Variants in COL11A2 observed in about 807,000 individuals in gnomAD.
COL11A2 encodes collagen type XI alpha 2 chain.
COL11A2 carries 116 observed loss-of-function variants against 273.4 expected under a neutral mutation model. That is an observed-to-expected ratio of 0.42 (90% CI 0.36 to 0.49). COL11A2 has a LOEUF of 0.49. Ranked by LOEUF, COL11A2 falls within the 20% of genes least tolerant of loss-of-function variation. COL11A2 has a pLI of 0.00. For missense variants in COL11A2, 1,866 were observed against 2,309.0 expected (o/e 0.81, Z 3.93); for synonymous variants, 782 against 864.2 (o/e 0.90, Z 1.67).
Position 33,163,398 on chromosome 6 carries a change from TG to T in COL11A2, c.*279del. 1 of 558,304 alleles carries T rather than the reference TG, an allele frequency of 1.8e-6. No individual in the cohort carries two copies. The allele number at this position is 558,304 out of a possible 1,614,324, so 34.6% of individuals were successfully genotyped here. A position where few individuals can be genotyped will look rare whatever the true frequency, so the allele number is the denominator to read the frequency against. On this transcript the variant is annotated 3_prime_UTR_variant, in exon 66 of 66. Transcript: ENST00000341947. The surrounding 1 kb of genome is among the most constrained non-coding windows in gnomAD (Gnocchi z 4.1). ...TCCTTTCTCTTCTCTTCCATTTGTT[TG>T]GGGTGATTGGGAGGTGAGTTTTAAA...
chr6:33,176,627 A>T lies in COL11A2; in HGVS notation c.2115+94T>A. On this transcript the variant is annotated intron_variant, in intron 26 of 65. Coordinates refer to ENST00000341947, the MANE Select transcript of COL11A2 (RefSeq NM_080680.3). The surrounding 1 kb of genome is among the most constrained non-coding windows in gnomAD (Gnocchi z 4.9). ...CAGGAATTGAGAATGTGGCAGAGCC[A>T]TATGAATAATGAGACAAGGGAATCC... 7.1e-7 allele frequency: 1 copy of T among 1,408,030 alleles called. No individual in the cohort carries two copies. The highest frequency in any genetic ancestry group is 1.0e-6 in the Non-Finnish European group (1 of 1,004,128). 87.2% of individuals were successfully genotyped at this position (1,408,030 alleles called of 1,614,324 possible). A position where few individuals can be genotyped will look rare whatever the true frequency, so the allele number is the denominator to read the frequency against.
chr6:33,166,147 T>G lies in COL11A2; in HGVS notation c.4428+24A>C. 1.9e-6 allele frequency: 3 copies of G among 1,608,190 alleles called. No individual in the cohort carries two copies. Among genetic ancestry groups the G allele is most frequent in the Non-Finnish European group, 2.5e-6 (3 of 1,177,752 alleles). ...AAGTCCAGAGGGGGTGGAGCAAAGGTCAGAGCTGAAGGGGGTCACTCACTG... is the reference window on the plus strand; with the variant it reads ...AAGTCCAGAGGGGGTGGAGCAAAGGGCAGAGCTGAAGGGGGTCACTCACTG... On this transcript the variant is annotated intron_variant, in intron 61 of 65. Transcript: ENST00000341947. The surrounding 1 kb of genome is among the most constrained non-coding windows in gnomAD (Gnocchi z 4.8).
chr6:33,168,048 A>G (rs1441495398), intron 54 of COL11A2, among the ~76,000 whole-genome samples, 196 bp from the exon 55 acceptor site: 3 of 152,074 alleles, frequency 2.0e-5, no homozygotes, highest in African/African-American at 7.2e-5. Context: ...GGTAGTCTGT[A>G]CATTTGGTGA....
At chr6:33,193,395 G>A (rs1477086593), upstream of COL11A2, among the ~76,000 whole-genome samples, 40 of 132,384 alleles carry the variant, frequency 3.0e-4, no homozygotes, top group Non-Finnish European at 6.0e-4. Flanking sequence ...CCTCCGGCCG[G>A]CCCCGCCCCC....
In COL11A2 at chr6:33,176,607, A is replaced by T; in HGVS notation, c.2115+114T>A. 7.2e-7 allele frequency: 1 copy of T among 1,393,076 alleles called. No individual in the cohort carries two copies. The highest frequency in any genetic ancestry group is 1.0e-6 in the Non-Finnish European group (1 of 990,298). The allele number at this position is 1,393,076 out of a possible 1,614,324, so 86.3% of individuals were successfully genotyped here. A position where few individuals can be genotyped will look rare whatever the true frequency, so the allele number is the denominator to read the frequency against. ...CTGGGTAGGGTTACGGGGCACAGGA[A>T]TTGAGAATGTGGCAGAGCCATATGA... On this transcript the variant is annotated intron_variant, in intron 26 of 65. Transcript: ENST00000341947. This position sits in a 1 kb window ranked among gnomAD's most constrained non-coding sequence, Gnocchi z 4.9.
In COL11A2 at chr6:33,169,901, G is replaced by A. The variant is rs1172012034; in HGVS notation, c.3637-17C>T. On this transcript the variant is annotated splice_polypyrimidine_tract_variant and intron_variant, in intron 49 of 65. Transcript: ENST00000341947. The surrounding 1 kb of genome is among the most constrained non-coding windows in gnomAD (Gnocchi z 5.5). ...TGGTTCCCCCTGCAAAGAGATTAGA[G>A]TCAAAAACCTCCTCTCCTTCCCCAG... The A allele has an allele frequency of 1.2e-6, 2 of 1,614,094 alleles. No individual in the cohort carries two copies. The highest frequency in any genetic ancestry group is 1.3e-5 in the African/African-American group (1 of 75,016).
At position 33,165,501 on chromosome 6, in the gene COL11A2, ACC is replaced by A; in HGVS notation, c.4750+46_4750+47del. The A allele has an allele frequency of 6.2e-7, 1 of 1,605,178 alleles. No individual in the cohort carries two copies. The highest frequency in any genetic ancestry group is 8.5e-7 in the Non-Finnish European group (1 of 1,179,760). On this transcript the variant is annotated intron_variant, in intron 63 of 65. Transcript: ENST00000341947. This position sits in a 1 kb window ranked among gnomAD's most constrained non-coding sequence, Gnocchi z 7.7. ...CCAGCATCCATTCTGCTTGTTCAGT[ACC>A]CATGCTGTTGGGGAGATGTTTGTGC...
chr6:33,171,132 C>T lies in COL11A2; in HGVS notation c.3348G>A (p.Val1116=), dbSNP rs778153803. Residue 1116 remains valine (V), a synonymous_variant, in exon 45 of 66, where the codon GTG becomes GTA. Transcript: ENST00000341947. ...CACTCACCGCTGCTCCAGGCTGCCC[C>T]ACAGGACCAATGGGTCCAGGGGGTC... ...PPGPPGPIGP[V]GQPGAAGADG... 6.3e-7 allele frequency: 1 copy of T among 1,591,124 alleles called. No homozygotes were observed. Among genetic ancestry groups the T allele is most frequent in the South Asian group, 1.1e-5 (1 of 88,994 alleles).
rs1480227421 is a variant in COL11A2 at position 33,167,082 on chromosome 6, G to A, written c.4218C>T (p.Ala1406=). Residue 1406 remains alanine (A), a synonymous_variant, in exon 58 of 66, where the codon GCC becomes GCT. Coordinates refer to ENST00000341947, the MANE Select transcript of COL11A2 (RefSeq NM_080680.3). This position sits in a 1 kb window ranked among gnomAD's most constrained non-coding sequence, Gnocchi z 6.1. ...GTCTGTCACTCACCTTCTCTCCCTT[G>A]GCTCCAGCATCGCCCCGGAGACCAG... ...GLPGLRGDAG[A]KGEKGHPGLI... 1.2e-6 allele frequency: 2 copies of A among 1,613,792 alleles called. No homozygotes were observed. Among genetic ancestry groups the A allele is most frequent in the African/African-American group, 2.7e-5 (2 of 74,890 alleles).
At position 33,165,536 on chromosome 6, in the gene COL11A2, GGC is replaced by G. The variant is rs1377547943; in HGVS notation, c.4750+11_4750+12del. ...TTGGGGAGATGTTTGTGCACCCTGA[GGC>G]TAGCACTGACCATCGGGAAGCTCTG... On this transcript the variant is annotated intron_variant, in intron 63 of 65. Coordinates refer to ENST00000341947, the MANE Select transcript of COL11A2 (RefSeq NM_080680.3). This position sits in a 1 kb window ranked among gnomAD's most constrained non-coding sequence, Gnocchi z 7.7. 6.8e-6 allele frequency: 11 copies of G among 1,611,552 alleles called. No individual in the cohort carries two copies. Among genetic ancestry groups the G allele is most frequent in the Non-Finnish European group, 9.3e-6 (11 of 1,179,998 alleles).
chr6:33,164,790 C>T lies in COL11A2; in HGVS notation c.4863+62G>A, dbSNP rs1768859759. 1.4e-6 allele frequency: 2 copies of T among 1,442,482 alleles called. No individual in the cohort carries two copies. The highest frequency in any genetic ancestry group is 5.0e-5 in the East Asian group (2 of 40,102). 89.4% of individuals were successfully genotyped at this position (1,442,482 alleles called of 1,614,324 possible). ...GGGACTGTCACCAAAACCCAGAAACCACTAAGCCCTGAGGGGGTGCACTAT... is the reference window on the plus strand; with the variant it reads ...GGGACTGTCACCAAAACCCAGAAACTACTAAGCCCTGAGGGGGTGCACTAT... On this transcript the variant is annotated intron_variant, in intron 64 of 65. Coordinates refer to ENST00000341947, the MANE Select transcript of COL11A2 (RefSeq NM_080680.3). This position sits in a 1 kb window ranked among gnomAD's most constrained non-coding sequence, Gnocchi z 4.7.
Position 33,172,578 on chromosome 6 carries a change from G to T in COL11A2, c.2850C>A (p.Pro950=). 6 of 1,612,656 alleles carry T rather than the reference G, an allele frequency of 3.7e-6. No homozygotes were observed. The highest frequency in any genetic ancestry group is 2.2e-5 in the South Asian group (2 of 91,062). ...GERGHPGPPG[P]PGEQGLPGTA... ...TCCCAGGTAGTCCCTGCTCTCCAGG[G>T]GGCCCCGGGGGGCCTGGGTGACCTC... The change falls in exon 39 of 66, where the codon CCC becomes CCA. Residue 950 remains proline (P), a synonymous_variant. Coordinates refer to ENST00000341947, the MANE Select transcript of COL11A2 (RefSeq NM_080680.3).
At position 33,170,489 on chromosome 6, in the gene COL11A2, G is replaced by T; in HGVS notation, c.3528+68C>A. On this transcript the variant is annotated intron_variant, in intron 47 of 65. Coordinates refer to ENST00000341947, the MANE Select transcript of COL11A2 (RefSeq NM_080680.3). The surrounding 1 kb of genome is among the most constrained non-coding windows in gnomAD (Gnocchi z 4.3). The stretch of plus-strand genomic sequence containing the variant: ...GGCCAGGGAGTTGGCAGTGGGGTGT[G>T]GGGTGGGGGCTGGCCAGGGAGGGGG... 1 of 1,582,418 alleles carries T rather than the reference G, an allele frequency of 6.3e-7. No individual in the cohort carries two copies. The highest frequency in any genetic ancestry group is 1.8e-4 in the Middle Eastern group (1 of 5,638).
Position 33,164,888 on chromosome 6 carries a change from AC to A in COL11A2, c.4826del (p.Gly1609ValfsTer5). 6.4e-7 allele frequency: 1 copy of A among 1,572,770 alleles called. No homozygotes were observed. The highest frequency in any genetic ancestry group is 8.6e-7 in the Non-Finnish European group (1 of 1,157,824). On this transcript the variant is annotated frameshift_variant, in exon 64 of 66. Coordinates refer to ENST00000341947, the MANE Select transcript of COL11A2 (RefSeq NM_080680.3). LOFTEE classifies it high-confidence loss of function. This position sits in a 1 kb window ranked among gnomAD's most constrained non-coding sequence, Gnocchi z 4.7. ...CATCCCTAGGCGTCACACAGGTCTC[AC>A]CCCCTGCTGTGAAGTTGCAGAAAAC... is the stretch of plus-strand genomic sequence containing the variant. ...FRVFCNFTAG[G>X]ETCVTPRDDV...
rs981758485 is a variant in COL11A2 at position 33,166,052 on chromosome 6, T to A, written c.4429-68A>T. On this transcript the variant is annotated intron_variant, in intron 61 of 65. Transcript: ENST00000341947. This position sits in a 1 kb window ranked among gnomAD's most constrained non-coding sequence, Gnocchi z 4.8. ...AGCATGGATCAAGGTCACAGAAAGA[T>A]CAAATCAGCCTCCTGGCTGGAATAA... 7 of 1,610,334 alleles carry A rather than the reference T, an allele frequency of 4.3e-6. No homozygotes were observed. The African/African-American group carries it at 8.0e-5, about 18-fold the overall frequency.
chr6:33,176,578 C>A lies in COL11A2; in HGVS notation c.2116-92G>T. The stretch of plus-strand genomic sequence containing the variant: ...GGAAGAAATGGAAGTAACAACATTG[C>A]TGTCTGGGTAGGGTTACGGGGCACA... On this transcript the variant is annotated intron_variant, in intron 26 of 65. Transcript: ENST00000341947. The surrounding 1 kb of genome is among the most constrained non-coding windows in gnomAD (Gnocchi z 4.9). 1 of 1,418,066 alleles carries A rather than the reference C, an allele frequency of 7.1e-7. No individual in the cohort carries two copies. Among genetic ancestry groups the A allele is most frequent in the Non-Finnish European group, 9.9e-7 (1 of 1,008,124 alleles). The allele number at this position is 1,418,066 out of a possible 1,614,324, so 87.8% of individuals were successfully genotyped here.
At position 33,175,685 on chromosome 6, in the gene COL11A2, T is replaced by G; in HGVS notation, c.2269-4A>C. The G allele has an allele frequency of 6.2e-7, 1 of 1,612,182 alleles. No homozygotes were observed. Among genetic ancestry groups the G allele is most frequent in the Non-Finnish European group, 8.5e-7 (1 of 1,179,490 alleles). On this transcript the variant is annotated splice_polypyrimidine_tract_variant and splice_region_variant and intron_variant, in intron 29 of 65. Transcript: ENST00000341947. ...AACCAGGGACTCCAACTTCGCCCTG[T>G]GTGAGAGGGAAGGACAGGTGAGTGC...
rs1769151600 is a variant in COL11A2, at chr6:33,166,398, G to A, written c.4392+115C>T. ...TACTGGTGGTGACAGGACAAATGGG[G>A]GACCCTGAGGACTATGCTTGTTAGG... On this transcript the variant is annotated intron_variant, in intron 60 of 65. Coordinates refer to ENST00000341947, the MANE Select transcript of COL11A2 (RefSeq NM_080680.3). This position sits in a 1 kb window ranked among gnomAD's most constrained non-coding sequence, Gnocchi z 4.8. The A allele has an allele frequency of 1.0e-5, 14 of 1,344,990 alleles. No individual in the cohort carries two copies. Among genetic ancestry groups the A allele is most frequent in the Non-Finnish European group, 1.4e-5 (14 of 968,106 alleles). 83.3% of individuals were successfully genotyped at this position (1,344,990 alleles called of 1,614,324 possible). A position where few individuals can be genotyped will look rare whatever the true frequency, so the allele number is the denominator to read the frequency against.
In COL11A2 at chr6:33,178,817, C is replaced by A; in HGVS notation, c.1666-85G>T. The A allele has an allele frequency of 6.2e-7, 1 of 1,605,798 alleles. No homozygotes were observed. Among genetic ancestry groups the A allele is most frequent in the Non-Finnish European group, 8.5e-7 (1 of 1,173,670 alleles). ...TACTGCACCCTGAGCTGGGGGGGTGCTGATCCTGGGGAAGCCTGGAGAACT... is the reference window on the plus strand; with the variant it reads ...TACTGCACCCTGAGCTGGGGGGGTGATGATCCTGGGGAAGCCTGGAGAACT... On this transcript the variant is annotated intron_variant, in intron 17 of 65. Transcript: ENST00000341947. The surrounding 1 kb of genome is among the most constrained non-coding windows in gnomAD (Gnocchi z 4.6).
Sources: gnomAD v4.1 joint callset for allele counts (sites outside exome capture counted in the v4.1 genomes callset) on GRCh38, gnomAD v4.1.1 for gene constraint, Gnocchi (gnomAD v3.1) non-coding constraint, MANE v1.5 for transcripts, NCBI Gene and HGNC (gene_info 2026-07-23, HGNC 2026-07-21) for gene names.